Variants in PDE10A observed in about 807,000 individuals in gnomAD.
The protein encoded by PDE10A is phosphodiesterase 10A.
Under a neutral mutation model 97.7 loss-of-function variants are expected in PDE10A, and 39 were observed. That is an observed-to-expected ratio of 0.40 (90% CI 0.31 to 0.52). The LOEUF is 0.52. Among genes scored for constraint, PDE10A ranks in the 20% least tolerant of loss-of-function variants. The pLI is 0.56. For synonymous variants in PDE10A, 371 were observed against 376.8 expected, an observed-to-expected ratio of 0.98 and a Z score of 0.18; for missense variants, 731 against 1,047.8, an observed-to-expected ratio of 0.70 and a Z score of 4.17.
chr6:165,713,009 T>C (rs112139410), intron 1 of PDE10A, among the ~76,000 whole-genome samples: 1,711 of 152,338 alleles, frequency 0.011, 34 homozygotes, highest in African/African-American at 0.04. Flanking sequence ...TACTTTCTAG[T>C]GAGGCAAGGA....
At position 165,357,996 on chromosome 6, in the gene PDE10A, ATTT is replaced by A. The variant is rs1444269855; in HGVS notation, c.2784-14497_2784-14495del. Among the ~76,000 whole-genome samples, 38 of 152,142 alleles carry A rather than the reference ATTT, an allele frequency of 2.5e-4. No homozygotes were observed. In the East Asian group the frequency reaches 7.2e-3, roughly 29 times the overall value. On this transcript the variant is annotated intron_variant, in intron 18 of 21. Coordinates refer to ENST00000539869, the MANE Select transcript of PDE10A (RefSeq NM_001385079.1). ...GCACTGTTTTAGCTGCATCCTACAG[ATTT>A]TGATATAGTTTGTTTTCACTGTCAT... is the stretch of plus-strand genomic sequence containing the variant.
intron 1 of PDE10A, among the ~76,000 whole-genome samples, chr6:165,609,052 G>T (rs1332963842): frequency 6.6e-6 from 1 of 152,172 alleles, no homozygotes; most frequent in African/African-American, 2.4e-5. Context: ...CTCCCATTCT[G>T]TAGGTTGCCT....
intron 1 of PDE10A, among the ~76,000 whole-genome samples, chr6:165,765,366 A>AC (rs1777808280): frequency 1.3e-5 from 2 of 152,236 alleles, no homozygotes; most frequent in South Asian, 4.1e-4. Flanking sequence ...CTCGGGCTGC[A>AC]CAGGAGCCCA....
Position 165,552,677 on chromosome 6 carries a change from G to A in PDE10A, c.866-9109C>T, listed in dbSNP as rs562455171. 2.6e-5 allele frequency among the ~76,000 whole-genome samples: 4 copies of A among 152,236 alleles called. No individual in the cohort carries two copies. In the South Asian group the frequency reaches 6.2e-4, roughly 24 times the overall value. On this transcript the variant is annotated intron_variant, in intron 1 of 21. Transcript: ENST00000539869. ...CCAAGTCTCTCCTGGATTTCACCCA[G>A]TGCACCTCTTCCCTTTGCGGATTGT...
At chr6:165,464,293 A>G (rs1012112638) in intron 3 of PDE10A, among the ~76,000 whole-genome samples, 2 of 152,122 alleles carry the variant, frequency 1.3e-5, no homozygotes, top group Admixed American at 6.6e-5. Context: ...GAGATGAAAA[A>G]CCATGACTCA....
Position 165,514,786 on chromosome 6 carries a change from C to T in PDE10A, c.994+28654G>A, listed in dbSNP as rs531329139. Among the ~76,000 whole-genome samples the T allele has an allele frequency of 1.2e-3, 179 of 152,306 alleles. 1 individual carries two copies. Among genetic ancestry groups the T allele is most frequent in the Middle Eastern group, 0.01 (3 of 294 alleles). ...AGGGGGTACCGGAAGTAGCTCCAGG[C>T]CATAACACCATGATGCCCACAGTTT... is the stretch of plus-strand genomic sequence containing the variant. On this transcript the variant is annotated intron_variant, in intron 2 of 21. Coordinates refer to ENST00000539869, the MANE Select transcript of PDE10A (RefSeq NM_001385079.1).
chr6:165,469,034 T>G (rs1214622351), intron 3 of PDE10A, among the ~76,000 whole-genome samples: 1 of 152,220 alleles, frequency 6.6e-6, no homozygotes, highest in Non-Finnish European at 1.5e-5. Context: ...GAGGAATGTG[T>G]TTAGTTCCCA....
intron 1 of PDE10A, among the ~76,000 whole-genome samples, chr6:165,621,648 T>C (rs1583663025): frequency 6.6e-6 from 1 of 151,836 alleles, no homozygotes; most frequent in Middle Eastern, 3.4e-3. Context: ...CCCAGCTACT[T>C]GGGAGGCTGA....
chr6:165,702,983 C>T (rs1791618221), intron 1 of PDE10A, among the ~76,000 whole-genome samples: 1 of 152,190 alleles, frequency 6.6e-6, no homozygotes, highest in African/African-American at 2.4e-5. Context: ...TGGTTGGAGT[C>T]CCCTGTTCTT....
rs370885639 is a variant in PDE10A, at chr6:165,431,506, A to G, written c.1492-34T>C. The G allele has an allele frequency of 3.7e-5, 45 of 1,222,854 alleles. No individual in the cohort carries two copies. In the African/African-American group the frequency reaches 5.4e-4, roughly 15 times the overall value. 75.8% of individuals were successfully genotyped at this position (1,222,854 alleles called of 1,614,324 possible). The stretch of plus-strand genomic sequence containing the variant: ...AACAAGAAATACATACCTATAAGTA[A>G]TAATACATAACGTATATATATATAC... On this transcript the variant is annotated intron_variant, in intron 7 of 21. Transcript: ENST00000539869.
At chr6:165,686,697 T>G (rs989580360) in intron 1 of PDE10A, among the ~76,000 whole-genome samples, 23 of 152,246 alleles carry the variant, frequency 1.5e-4, no homozygotes, top group African/African-American at 5.1e-4. Flanking sequence ...AAGTGCATTT[T>G]ATAAAACCCT....
intron 18 of PDE10A, among the ~76,000 whole-genome samples, chr6:165,360,146 C>T (rs142532391): frequency 1.3e-5 from 2 of 152,298 alleles, no homozygotes; most frequent in East Asian, 1.9e-4. Context: ...GCTCTCTCTA[C>T]TCTAGATGAG....
intron 1 of PDE10A, among the ~76,000 whole-genome samples, chr6:165,889,478 C>T (rs566516274): frequency 6.7e-4 from 102 of 152,136 alleles, no homozygotes; most frequent in Non-Finnish European, 9.0e-4. Flanking sequence ...ATTGGGTTCA[C>T]GGGGGAATAT....
intron 2 of PDE10A, among the ~76,000 whole-genome samples, 178 bp from the exon 3 acceptor site, chr6:165,482,521 A>C (rs1779666101): frequency 1.3e-5 from 2 of 152,240 alleles, no homozygotes; most frequent in Admixed American, 1.3e-4. Context: ...ATTACGAGTT[A>C]AGAAGTATAC....
chr6:165,872,268 G>A (rs1283687376), intron 1 of PDE10A, among the ~76,000 whole-genome samples: 1 of 152,200 alleles, frequency 6.6e-6, no homozygotes. Flanking sequence ...CAAATAAAAC[G>A]TTTTTAAGTC....
intron 1 of PDE10A, among the ~76,000 whole-genome samples, chr6:165,611,853 C>G (rs562780844): frequency 3.9e-5 from 6 of 152,306 alleles, no homozygotes; most frequent in Non-Finnish European, 8.8e-5. Context: ...CTTATTCAGC[C>G]AGTGAAGCAA....
chr6:165,685,579 A>G (rs1413446574), intron 1 of PDE10A, among the ~76,000 whole-genome samples: 1 of 152,018 alleles, frequency 6.6e-6, no homozygotes, highest in East Asian at 1.9e-4. Flanking sequence ...TTTTCTTTGG[A>G]GGAAATGTTT....
chr6:165,397,575 C>G (rs377392176), intron 13 of PDE10A, among the ~76,000 whole-genome samples: 74 of 151,824 alleles, frequency 4.9e-4, no homozygotes, highest in Non-Finnish European at 7.8e-4. Flanking sequence ...GCTGGGTGCA[C>G]GCCTGTATCT....
chr6:165,506,247 T>C (rs1781185254), intron 2 of PDE10A, among the ~76,000 whole-genome samples: 1 of 152,182 alleles, frequency 6.6e-6, no homozygotes, highest in African/African-American at 2.4e-5. Flanking sequence ...ATTTTTTGAA[T>C]ACACGTATAA....
Sources: gnomAD v4.1 joint callset for allele counts (sites outside exome capture counted in the v4.1 genomes callset) on GRCh38, gnomAD v4.1.1 for gene constraint, MANE v1.5 for transcripts, NCBI Gene and HGNC (gene_info 2026-07-23, HGNC 2026-07-21) for gene names.